The following STPG2 variants were observed in gnomAD, a reference collection of about 807,000 sequenced individuals.
STPG2 encodes the protein sperm-tail PG-rich repeat-containing protein 2.
In STPG2, 56 loss-of-function variants were observed where a neutral mutation model predicts 54.2. That is an observed-to-expected ratio of 1.03 (90% CI 0.83 to 1.29). The LOEUF is 1.29. Ranked by LOEUF, STPG2 falls within the 50% of genes most tolerant of loss-of-function variation. The pLI, the probability that STPG2 is intolerant of heterozygous loss-of-function variation, is 0.00. For missense variants in STPG2, 596 were observed against 544.9 expected (o/e 1.09, Z -0.93); for synonymous variants, 200 against 181.8 (o/e 1.10, Z -0.81).
chr4:98,071,662 C>G (rs778531752), intron 5 of STPG2, among the ~76,000 whole-genome samples: 2 of 151,980 alleles, frequency 1.3e-5, no homozygotes, highest in Non-Finnish European at 2.9e-5. Flanking sequence ...TGCAATATAT[C>G]GATCTGACAA....
chr4:97,995,928 A>C (rs1426717140), intron 5 of STPG2, among the ~76,000 whole-genome samples: 3 of 152,214 alleles, frequency 2.0e-5, no homozygotes, highest in Non-Finnish European at 2.9e-5. Flanking sequence ...CTGCTGAAAC[A>C]AATCAGAGAT....
intron 10 of STPG2, among the ~76,000 whole-genome samples, chr4:97,566,067 C>A (rs1361086066): frequency 6.6e-6 from 1 of 152,158 alleles, no homozygotes; most frequent in East Asian, 1.9e-4. Context: ...GGCAGGCCTC[C>A]TTGAGCTGTG....
At chr4:97,472,922 AAATT>A (rs1454776611) in intron 4 of STPG2, among the ~76,000 whole-genome samples, 1 of 152,244 alleles carries the variant, frequency 6.6e-6, no homozygotes, top group African/African-American at 2.4e-5. Flanking sequence ...TTAGTTCTCC[AAATT>A]AATACTTTTA....
chr4:97,878,910 C>T lies in STPG2; in HGVS notation c.1045-37978G>A, dbSNP rs369906509. Among the ~76,000 whole-genome samples the T allele has an allele frequency of 9.2e-5, 14 of 151,830 alleles. No homozygotes were observed. The South Asian group carries it at 1.2e-3, about 14-fold the overall frequency. ...TCTGTTTCCCTTTTAAAACTGAATC[C>T]TTTTAAAAGTACCAAAGTCACCCCT... On this transcript the variant is annotated intron_variant, in intron 8 of 10. Coordinates refer to ENST00000295268, the MANE Select transcript of STPG2 (RefSeq NM_174952.3).
chr4:97,463,878 A>C lies in STPG2; in HGVS notation c.462+248821T>G, dbSNP rs1469561622. On this transcript the variant is annotated intron_variant, in intron 4 of 4. Transcript: ENST00000522676. ...AGCATTCATCGAATGTTCTTTTTCT[A>C]TTCTGAGATCCCATCTTGATACCAT... Among the ~76,000 whole-genome samples the C allele has an allele frequency of 2.6e-5, 4 of 152,078 alleles. No homozygotes were observed. The East Asian group carries it at 7.7e-4, about 29-fold the overall frequency.
chr4:97,917,654 A>T (rs1578688640), intron 8 of STPG2, among the ~76,000 whole-genome samples: 1 of 152,338 alleles, frequency 6.6e-6, no homozygotes, highest in Admixed American at 6.5e-5. Flanking sequence ...GTAAAAATAT[A>T]TCTTAAAAGC....
chr4:97,742,004 C>A (rs544503146), intron 9 of STPG2, among the ~76,000 whole-genome samples: 20 of 152,076 alleles, frequency 1.3e-4, no homozygotes, highest in Middle Eastern at 3.4e-3. Flanking sequence ...GAAAATGTGG[C>A]ACATATACAC....
intron 8 of STPG2, among the ~76,000 whole-genome samples, chr4:97,902,486 C>T (rs375478699): frequency 1.3e-5 from 2 of 152,086 alleles, no homozygotes; most frequent in South Asian, 2.1e-4. Flanking sequence ...TGGCAAAATA[C>T]TTGAATAAGA....
chr4:97,861,347 T>C (rs1016648818), intron 8 of STPG2, among the ~76,000 whole-genome samples: 11 of 152,118 alleles, frequency 7.2e-5, no homozygotes, highest in Admixed American at 2.0e-4. Flanking sequence ...CAATAACGAA[T>C]GCTGGCAATG....
At chr4:97,884,728 A>T (rs1485233201) in intron 8 of STPG2, among the ~76,000 whole-genome samples, 1 of 152,156 alleles carries the variant, frequency 6.6e-6, no homozygotes, top group Non-Finnish European at 1.5e-5. Flanking sequence ...GGGCCAAAAA[A>T]AGAGGGGTCT....
At chr4:98,043,976 A>G (rs1237567612) in intron 5 of STPG2, among the ~76,000 whole-genome samples, 4 of 151,900 alleles carry the variant, frequency 2.6e-5, no homozygotes, top group African/African-American at 9.7e-5. Flanking sequence ...CTTTGTGTTC[A>G]TGAGTTCTCA....
intron 9 of STPG2, among the ~76,000 whole-genome samples, chr4:97,807,531 A>T (rs189881313): frequency 6.6e-6 from 1 of 152,116 alleles, no homozygotes; most frequent in East Asian, 1.9e-4. Context: ...AAAATGAAAA[A>T]CTTAATGCAT....
chr4:97,564,341 TG>T (rs1470206518), intron 10 of STPG2, among the ~76,000 whole-genome samples: 2 of 152,234 alleles, frequency 1.3e-5, no homozygotes, highest in African/African-American at 2.4e-5. Context: ...GCATGTGAGA[TG>T]GGTTTCCTGA....
intron 9 of STPG2, among the ~76,000 whole-genome samples, chr4:97,730,676 T>A (rs34806230): frequency 0.012 from 1,791 of 152,366 alleles, 18 homozygotes; most frequent in Non-Finnish European, 0.019. Context: ...TGGTTTGGTC[T>A]CTTTACAAAA....
At chr4:97,812,533 T>C (rs1340228683) in intron 9 of STPG2, among the ~76,000 whole-genome samples, 1 of 152,166 alleles carries the variant, frequency 6.6e-6, no homozygotes, top group Non-Finnish European at 1.5e-5. Flanking sequence ...TTTGAACATG[T>C]TGAGTTATAT....
intron 10 of STPG2, among the ~76,000 whole-genome samples, chr4:97,678,849 C>T (rs1578474065): frequency 7.0e-6 from 1 of 143,050 alleles, no homozygotes; most frequent in South Asian, 2.3e-4. Context: ...TTGTTCAATT[C>T]CCACCTATGA....
chr4:98,044,148 A>G (rs1240557957), intron 5 of STPG2, among the ~76,000 whole-genome samples: 1 of 152,164 alleles, frequency 6.6e-6, no homozygotes, highest in East Asian at 1.9e-4. Context: ...TGTATATATT[A>G]GCATAATTTA....
At chr4:97,600,926 A>G (rs1415810803) in intron 10 of STPG2, among the ~76,000 whole-genome samples, 1 of 152,096 alleles carries the variant, frequency 6.6e-6, no homozygotes, top group Non-Finnish European at 1.5e-5. Context: ...GAGAAATTTT[A>G]GCCAAAGAGG....
intron 9 of STPG2, among the ~76,000 whole-genome samples, chr4:97,781,887 T>A (rs1726638808): frequency 6.6e-6 from 1 of 152,156 alleles, no homozygotes; most frequent in Non-Finnish European, 1.5e-5. Context: ...CAACAGCCCT[T>A]CATGCTAAAA....
Sources: allele counts gnomAD v4.1 joint callset (sites outside exome capture counted in the v4.1 genomes callset), GRCh38; gene constraint gnomAD v4.1.1; transcripts MANE v1.5; gene names NCBI Gene and HGNC (gene_info 2026-07-23, HGNC 2026-07-21).